Variants in SH3PXD2A observed in about 807,000 individuals in gnomAD.
SH3PXD2A encodes the protein SH3 and PX domains 2A.
In SH3PXD2A, 32 loss-of-function variants were observed where a neutral mutation model predicts 115.2. The observed-to-expected ratio is 0.28, with a 90% CI of 0.21 to 0.37. SH3PXD2A has a LOEUF of 0.37. Among genes scored for constraint, SH3PXD2A ranks in the 10% least tolerant of loss-of-function variants. SH3PXD2A has a pLI of 1.00. For missense variants in SH3PXD2A, 1,328 were observed against 1,498.7 expected, an observed-to-expected ratio of 0.89 and a Z score of 1.88; for synonymous variants, 610 against 629.1, an observed-to-expected ratio of 0.97 and a Z score of 0.45.
intron 8 of SH3PXD2A, among the ~76,000 whole-genome samples, chr10:103,636,582 G>A (rs1286767097): frequency 1.3e-5 from 2 of 152,042 alleles, no homozygotes; most frequent in Non-Finnish European, 2.9e-5. Flanking sequence ...AGGAAGTGAC[G>A]GGCACTCCCA....
In SH3PXD2A at chr10:103,596,650, C is replaced by CAG. The variant is rs2036137256; in HGVS notation, c.*5165_*5166insCT. 4.4e-5 allele frequency: 3 copies of CAG among 67,674 alleles called. No individual in the cohort carries two copies. The highest frequency in any genetic ancestry group is 9.6e-5 in the Non-Finnish European group (3 of 31,306). The allele number at this position is 67,674 out of a possible 1,614,324, so 4.2% of individuals were successfully genotyped here. A position where few individuals can be genotyped will look rare whatever the true frequency, so the allele number is the denominator to read the frequency against. Reference sequence around the variant, plus strand: ...GCATACACAGACACACACACACACACACACACACACACACTCTCTCTCTCT... The same window carrying CAG: ...GCATACACAGACACACACACACACACAGACACACACACACACTCTCTCTCTCT... On this transcript the variant is annotated 3_prime_UTR_variant, in exon 15 of 15. Coordinates refer to ENST00000369774, the MANE Select transcript of SH3PXD2A (RefSeq NM_001394015.1).
chr10:103,612,773 C>T (rs1415726934), intron 12 of SH3PXD2A, 80 bp downstream of exon 12: 4 of 981,648 alleles, frequency 4.1e-6, no homozygotes, highest in Non-Finnish European at 5.9e-6. Context: ...GTCCTGTGCA[C>T]CCCCCTGGCT....
At chr10:103,703,954 T>C (rs1237569021) in intron 5 of SH3PXD2A, among the ~76,000 whole-genome samples, 1 of 152,156 alleles carries the variant, frequency 6.6e-6, no homozygotes, top group Admixed American at 6.5e-5. Flanking sequence ...TCTGTCTTCA[T>C]TTATAAAGTG....
At chr10:103,614,616 C>G (rs2036480456) in intron 11 of SH3PXD2A, among the ~76,000 whole-genome samples, 1 of 152,136 alleles carries the variant, frequency 6.6e-6, no homozygotes, top group South Asian at 2.1e-4. Context: ...AGTTTTCACC[C>G]AAACCCATGG....
chr10:103,801,040 G>A (rs927949986), intron 2 of SH3PXD2A, among the ~76,000 whole-genome samples: 4 of 152,128 alleles, frequency 2.6e-5, no homozygotes, highest in Non-Finnish European at 5.9e-5. Flanking sequence ...GCAAGGGAGG[G>A]TGACAAAGCG....
intron 11 of SH3PXD2A, among the ~76,000 whole-genome samples, chr10:103,615,880 C>G (rs1161699974): frequency 1.3e-5 from 2 of 152,056 alleles, no homozygotes; most frequent in Non-Finnish European, 2.9e-5. Flanking sequence ...TGGGTTGACT[C>G]TAGTTTCCAT....
At chr10:103,791,055 T>C (rs997305821) in intron 2 of SH3PXD2A, among the ~76,000 whole-genome samples, 2 of 152,234 alleles carry the variant, frequency 1.3e-5, no homozygotes, top group Non-Finnish European at 1.5e-5. Flanking sequence ...CCAAGGCTCC[T>C]AGCACTCACA....
chr10:103,681,389 C>T (rs2037605694), intron 6 of SH3PXD2A, among the ~76,000 whole-genome samples: 1 of 152,230 alleles, frequency 6.6e-6, no homozygotes, highest in South Asian at 2.1e-4. Flanking sequence ...TGCCTGTCTA[C>T]CCTGAACATG....
intron 1 of SH3PXD2A, among the ~76,000 whole-genome samples, chr10:103,847,685 T>A (rs970826631): frequency 9.9e-5 from 15 of 152,080 alleles, no homozygotes; most frequent in African/African-American, 3.6e-4. Context: ...ACACTTGTAA[T>A]CCCAGCACTT....
intron 2 of SH3PXD2A, among the ~76,000 whole-genome samples, chr10:103,770,103 T>C (rs555970869): frequency 6.6e-6 from 1 of 152,314 alleles, no homozygotes; most frequent in South Asian, 2.1e-4. Context: ...TTTTGGGATA[T>C]CTATCTTTGC....
chr10:103,827,038 A>T (rs2039436887), intron 1 of SH3PXD2A, among the ~76,000 whole-genome samples: 1 of 152,132 alleles, frequency 6.6e-6, no homozygotes, highest in Admixed American at 6.5e-5. Context: ...CTTCCACAGG[A>T]GGATGTCCCC....
chr10:103,650,956 G>A (rs1260537324), intron 8 of SH3PXD2A, among the ~76,000 whole-genome samples: 6 of 152,246 alleles, frequency 3.9e-5, no homozygotes, highest in African/African-American at 1.4e-4. Flanking sequence ...AGGGCACACA[G>A]TAGATGCTCA....
At chr10:103,631,753 C>T (rs184532317) in intron 8 of SH3PXD2A, among the ~76,000 whole-genome samples, 6 of 152,318 alleles carry the variant, frequency 3.9e-5, no homozygotes, top group African/African-American at 1.4e-4. Flanking sequence ...CCACAATTCC[C>T]AACTTGGAGT....
At chr10:103,815,091 G>C (rs1564896075) in intron 1 of SH3PXD2A, among the ~76,000 whole-genome samples, 1 of 152,130 alleles carries the variant, frequency 6.6e-6, no homozygotes, top group Non-Finnish European at 1.5e-5. Flanking sequence ...ATGCGAGAGA[G>C]AAAACTATTA....
intron 4 of SH3PXD2A, among the ~76,000 whole-genome samples, chr10:103,727,648 C>T (rs1293104389): frequency 1.3e-5 from 2 of 152,254 alleles, no homozygotes; most frequent in Non-Finnish European, 2.9e-5. Flanking sequence ...ATGGCTCACC[C>T]AGCCCTGGCA....
At position 103,817,139 on chromosome 10, in the gene SH3PXD2A, C is replaced by T. The variant is rs115556289; in HGVS notation, c.73-15777G>A. Among the ~76,000 whole-genome samples, 866 of 149,550 alleles carry T rather than the reference C, an allele frequency of 5.8e-3. 13 individuals are homozygous for T. The highest frequency in any genetic ancestry group is 0.019 in the African/African-American group (769 of 40,466). On this transcript the variant is annotated intron_variant, in intron 1 of 14. Coordinates refer to ENST00000369774, the MANE Select transcript of SH3PXD2A (RefSeq NM_001394015.1). ...GATTACAGGTGTGAGCCACCATGCC[C>T]GGTCTATTCTTTTTTTTTTTTAACT...
intron 5 of SH3PXD2A, among the ~76,000 whole-genome samples, chr10:103,723,177 A>G (rs1589429744): frequency 6.6e-6 from 1 of 152,068 alleles, no homozygotes; most frequent in South Asian, 2.1e-4. Context: ...CACCTGGCCC[A>G]GAGGGTTCCT....
At chr10:103,625,000 G>C (rs1232772127) in intron 9 of SH3PXD2A, among the ~76,000 whole-genome samples, 13 of 152,066 alleles carry the variant, frequency 8.5e-5, no homozygotes, top group Admixed American at 8.5e-4. Context: ...GAATCGCCCT[G>C]GGCACGCATG....
At chr10:103,834,905 C>T (rs2039515941) in intron 1 of SH3PXD2A, among the ~76,000 whole-genome samples, 1 of 152,212 alleles carries the variant, frequency 6.6e-6, no homozygotes, top group Admixed American at 6.5e-5. Context: ...ACAGCTGAAC[C>T]AACATGCAAG....
Sources: allele counts gnomAD v4.1 joint callset (sites outside exome capture counted in the v4.1 genomes callset), GRCh38; gene constraint gnomAD v4.1.1; transcripts MANE v1.5; gene names NCBI Gene and HGNC (gene_info 2026-07-23, HGNC 2026-07-21).